ELMOD2: variants seen among roughly 807,000 people sequenced by gnomAD.
ELMOD2 encodes the protein ELMO domain containing 2, also known as ELMO domain-containing protein 2.
Under a neutral mutation model 41.0 loss-of-function variants are expected in ELMOD2, and 28 were observed. The ratio of observed to expected loss-of-function variants is 0.68; its 90% CI spans 0.51 to 0.94. The LOEUF is 0.94. Ranked by LOEUF, ELMOD2 falls within the 40% of genes least tolerant of loss-of-function variation. The pLI is 0.00. For synonymous variants in ELMOD2, 106 were observed against 107.2 expected, an observed-to-expected ratio of 0.99 and a Z score of 0.07; for missense variants, 333 against 343.1, an observed-to-expected ratio of 0.97 and a Z score of 0.23.
intron 3 of ELMOD2, among the ~76,000 whole-genome samples, chr4:140,533,596 T>C (rs191445666): frequency 1.3e-5 from 2 of 152,264 alleles, no homozygotes; most frequent in Non-Finnish European, 2.9e-5. Context: ...TGAGTTATGC[T>C]GCCACTTAAA....
chr4:140,540,279 A>G lies in ELMOD2; in HGVS notation c.511A>G (p.Ile171Val), dbSNP rs1735064696. ...CAAGACAGACTTCAGAGGCATGGGC[A>G]TACTTGGGTTAATCAATCTTGTGTA... is the stretch of plus-strand genomic sequence containing the variant. Reference protein sequence around the residue: ...DPKTDFRGMGILGLINLVYFS... With the variant: ...DPKTDFRGMGVLGLINLVYFS... Residue 171 changes from isoleucine (I) to valine (V), a missense_variant, in exon 6 of 9, where the codon ATA (isoleucine) becomes GTA (valine). Physicochemically the swap from Ile to Val is conservative, Grantham distance 29. Coordinates refer to ENST00000323570, the MANE Select transcript of ELMOD2 (RefSeq NM_153702.4). 1 of 1,613,850 alleles carries G rather than the reference A, an allele frequency of 6.2e-7. No homozygotes were observed. The highest frequency in any genetic ancestry group is 1.7e-5 in the Admixed American group (1 of 59,894).
At chr4:140,542,094 G>A (rs1302976545) in intron 6 of ELMOD2, among the ~76,000 whole-genome samples, 1 of 151,836 alleles carries the variant, frequency 6.6e-6, no homozygotes, top group Admixed American at 6.6e-5. Flanking sequence ...TAGTATTTTA[G>A]TTATATGATT....
intron 8 of ELMOD2, among the ~76,000 whole-genome samples, chr4:140,549,903 C>T (rs1287126313): frequency 6.6e-6 from 1 of 151,816 alleles, no homozygotes; most frequent in Non-Finnish European, 1.5e-5. Context: ...CCAGGCTGGT[C>T]TCTTAAGTCC....
At chr4:140,526,348 C>T (rs1734561399) in intron 2 of ELMOD2, among the ~76,000 whole-genome samples, 1 of 152,070 alleles carries the variant, frequency 6.6e-6, no homozygotes, top group Admixed American at 6.6e-5. Flanking sequence ...GCTCTGTTAC[C>T]TTCTAAAATA....
intron 3 of ELMOD2, chr4:140,527,735 T>G: frequency 2.3e-6 from 1 of 425,570 alleles, no homozygotes; most frequent in Non-Finnish European, 4.2e-6. Context: ...TTATTTTGCT[T>G]TAAGAGTTGA....
chr4:140,542,695 A>T, intron 7 of ELMOD2, 53 bp downstream of exon 7: 1 of 1,303,272 alleles, frequency 7.7e-7, no homozygotes, highest in Middle Eastern at 1.9e-4. Context: ...TAATGATTAG[A>T]TGATTTAATG....
intron 1 of ELMOD2, chr4:140,525,217 T>A (rs971067448): frequency 2.3e-6 from 1 of 442,456 alleles, no homozygotes; most frequent in Non-Finnish European, 3.9e-6. Context: ...TTTGAAAAAG[T>A]GATTAATTGG....
intron 1 of ELMOD2, chr4:140,525,136 CA>C (rs1279679130): frequency 8.5e-5 from 19 of 224,414 alleles, no homozygotes; most frequent in Non-Finnish European, 1.4e-4. Flanking sequence ...AATTATTTAG[CA>C]AAAAGTGCAA....
chr4:140,530,571 A>T (rs1734716294), intron 3 of ELMOD2, among the ~76,000 whole-genome samples: 1 of 152,162 alleles, frequency 6.6e-6, no homozygotes, highest in Non-Finnish European at 1.5e-5. Context: ...TAAACATTAA[A>T]ATTGTATTCT....
rs746809597 is a variant in ELMOD2 at position 140,537,374 on chromosome 4, G to A, written c.270-38G>A. The A allele has an allele frequency of 4.6e-5, 67 of 1,449,616 alleles. No individual in the cohort carries two copies. The South Asian group carries it at 8.6e-4, about 19-fold the overall frequency. 89.8% of individuals were successfully genotyped at this position (1,449,616 alleles called of 1,614,324 possible). ...GCTATGAAAGACTTTATTGTGATAA[G>A]AGGGTATGCTTTTTAAAAATAATTT... On this transcript the variant is annotated intron_variant, in intron 4 of 8. Transcript: ENST00000323570.
intron 8 of ELMOD2, among the ~76,000 whole-genome samples, chr4:140,544,692 G>C (rs1716719101): frequency 1.3e-5 from 2 of 151,962 alleles, no homozygotes; most frequent in African/African-American, 2.4e-5. Flanking sequence ...AGGCATCCCA[G>C]TCTTCTTTTT....
Position 140,552,653 on chromosome 4 carries a change from A to G in ELMOD2, c.*2278A>G, listed in dbSNP as rs1735497579. ...AATTTTACATAGTCTTAAAATCCAT[A>G]TTTAGAATCTTACCTGTTTCTATAA... On this transcript the variant is annotated 3_prime_UTR_variant, in exon 9 of 9. Coordinates refer to ENST00000323570, the MANE Select transcript of ELMOD2 (RefSeq NM_153702.4). 1 of 152,138 alleles carries G rather than the reference A, an allele frequency of 6.6e-6. No homozygotes were observed. Among genetic ancestry groups the G allele is most frequent in the African/African-American group, 2.4e-5 (1 of 41,458 alleles). The allele number at this position is 152,138 out of a possible 1,614,324, so 9.4% of individuals were successfully genotyped here.
intron 8 of ELMOD2, among the ~76,000 whole-genome samples, chr4:140,549,726 A>G (rs1237964578): frequency 8.5e-6 from 1 of 118,062 alleles, no homozygotes; most frequent in Non-Finnish European, 1.6e-5. Context: ...TAGGTTCTCA[A>G]CCAAGCTGGA....
intron 1 of ELMOD2, 173 bp downstream of exon 1, chr4:140,524,453 G>A (rs1734484009): frequency 1.7e-5 from 6 of 346,648 alleles, no homozygotes; most frequent in Non-Finnish European, 2.0e-5. Flanking sequence ...GGGGGTCGGC[G>A]CAGAGACGCC....
Position 140,550,447 on chromosome 4 carries a change from T to G in ELMOD2, c.*72T>G, listed in dbSNP as rs1281435652. 1 of 1,402,142 alleles carries G rather than the reference T, an allele frequency of 7.1e-7. No individual in the cohort carries two copies. Among genetic ancestry groups the G allele is most frequent in the African/African-American group, 1.4e-5 (1 of 69,032 alleles). The allele number at this position is 1,402,142 out of a possible 1,614,324, so 86.9% of individuals were successfully genotyped here. ...AGAATTTATATGTTGTAATAGGAATTATCTGATCAATTACACTCTTATATA... is the reference window on the plus strand; with the variant it reads ...AGAATTTATATGTTGTAATAGGAATGATCTGATCAATTACACTCTTATATA... On this transcript the variant is annotated 3_prime_UTR_variant, in exon 9 of 9. Coordinates refer to ENST00000323570, the MANE Select transcript of ELMOD2 (RefSeq NM_153702.4).
intron 3 of ELMOD2, among the ~76,000 whole-genome samples, chr4:140,533,497 G>T (rs1734815381): frequency 6.6e-6 from 1 of 152,112 alleles, no homozygotes; most frequent in South Asian, 2.1e-4. Context: ...TACCATACAT[G>T]AAAACTAATT....
Position 140,525,582 on chromosome 4 carries a change from CAAAAAG to C in ELMOD2, c.142+19_142+24del. On this transcript the variant is annotated intron_variant, in intron 2 of 8. Coordinates refer to ENST00000323570, the MANE Select transcript of ELMOD2 (RefSeq NM_153702.4). ...GACACACAGGATAGGTAATGTTATTCAAAAAGAAAAAGTACTAATAAAAGTTTAACG... is the reference window on the plus strand; with the variant it reads ...GACACACAGGATAGGTAATGTTATTCAAAAAGTACTAATAAAAGTTTAACG... 1 of 1,583,420 alleles carries C rather than the reference CAAAAAG, an allele frequency of 6.3e-7. No homozygotes were observed. Among genetic ancestry groups the C allele is most frequent in the Non-Finnish European group, 8.5e-7 (1 of 1,170,718 alleles).
Position 140,524,559 on chromosome 4 carries a change from A to G in ELMOD2, c.-10+279A>G, listed in dbSNP as rs558888742. 2.6e-5 allele frequency: 26 copies of G among 984,260 alleles called. No homozygotes were observed. The East Asian group carries it at 5.7e-4, about 22-fold the overall frequency. The allele number at this position is 984,260 out of a possible 1,614,324, so 61.0% of individuals were successfully genotyped here. The stretch of plus-strand genomic sequence containing the variant: ...TAATGAGCGCGGACTAGATGGCTTG[A>G]TTTTCAAGATAATGATCAACCCAGC... On this transcript the variant is annotated intron_variant, in intron 1 of 8. Coordinates refer to ENST00000323570, the MANE Select transcript of ELMOD2 (RefSeq NM_153702.4).
At chr4:140,525,048 T>C (rs918705568) in intron 1 of ELMOD2, 3 of 164,260 alleles carry the variant, frequency 1.8e-5, no homozygotes, top group African/African-American at 7.2e-5. Flanking sequence ...TGTTGATTAG[T>C]TGGAGTCCTC....
Sources: allele counts gnomAD v4.1 joint callset (sites outside exome capture counted in the v4.1 genomes callset), GRCh38; gene constraint gnomAD v4.1.1; transcripts MANE v1.5; gene names NCBI Gene and HGNC (gene_info 2026-07-23, HGNC 2026-07-21).